Variants in DLST observed in about 807,000 individuals in gnomAD.
DLST encodes the protein dihydrolipoamide S-succinyltransferase, also known as dihydrolipoyllysine-residue succinyltransferase component of 2-oxoglutarate dehydrogenase complex, mitochondrial.
DLST carries 17 observed loss-of-function variants against 53.1 expected under a neutral mutation model. The observed-to-expected ratio is 0.32, with a 90% CI of 0.22 to 0.48. The LOEUF (loss-of-function observed/expected upper bound fraction) is 0.48, where lower values mean the gene tolerates loss of function less well. Ranked by LOEUF, DLST falls within the 20% of genes least tolerant of loss-of-function variation. The probability of loss-of-function intolerance (pLI) is 0.99; values close to 1 mark genes in which losing one functional copy is unlikely to be tolerated. For synonymous variants in DLST, 206 were observed against 204.8 expected (o/e 1.01, Z -0.05); for missense variants, 512 against 583.9 (o/e 0.88, Z 1.27).
intron 10 of DLST, among the ~76,000 whole-genome samples, chr14:74,895,185 C>T (rs146140269): frequency 7.7e-4 from 118 of 152,266 alleles, no homozygotes; most frequent in African/African-American, 2.8e-3. Context: ...GATTCAGAAT[C>T]GAGTGGATGA....
chr14:74,894,234 G>A lies in DLST; in HGVS notation c.673-78G>A, dbSNP rs1017850536. 80 of 1,558,516 alleles carry A rather than the reference G, an allele frequency of 5.1e-5. No homozygotes were observed. The South Asian group carries it at 7.2e-4, about 14-fold the overall frequency. ...CTTGGCCATCTACTCGTGGCAAGCC[G>A]TGTTCTTTCTGACTACACGGGGAAT... On this transcript the variant is annotated intron_variant, in intron 9 of 14. Coordinates refer to ENST00000334220, the MANE Select transcript of DLST (RefSeq NM_001933.5).
intron 2 of DLST, among the ~76,000 whole-genome samples, chr14:74,884,361 A>G (rs1206228955): frequency 1.3e-5 from 2 of 152,180 alleles, no homozygotes; most frequent in Admixed American, 1.3e-4. Context: ...AACCCTGAAC[A>G]ATGTCAGTAA....
intron 8 of DLST, 101 bp downstream of exon 8, chr14:74,893,087 GT>G: frequency 7.1e-7 from 1 of 1,402,614 alleles, no homozygotes; most frequent in Non-Finnish European, 9.6e-7. Flanking sequence ...AACAGGCCAG[GT>G]TGGCTGCTTT....
rs771570211 is a variant in DLST at position 74,889,910 on chromosome 14, A to G, written c.288A>G (p.Thr96=). 9 of 1,613,866 alleles carry G rather than the reference A, an allele frequency of 5.6e-6. No individual in the cohort carries two copies. In the South Asian group the frequency reaches 9.9e-5, roughly 18 times the overall value. ...DVRWEKAVGD[T]VAEDEVVCEI... ...TTGTCTTTTCAGCTGTTGGAGACAC[A>G]GTTGCAGAAGATGAAGTGGTTTGTG... Residue 96 remains threonine (T), a synonymous_variant, in exon 6 of 15, where the codon ACA becomes ACG. Coordinates refer to ENST00000334220, the MANE Select transcript of DLST (RefSeq NM_001933.5).
chr14:74,897,241 A>G (rs1355901199), intron 10 of DLST, among the ~76,000 whole-genome samples: 1 of 152,206 alleles, frequency 6.6e-6, no homozygotes, highest in African/African-American at 2.4e-5. Context: ...CCCCCTTGGA[A>G]AAACTTCCTT....
At chr14:74,883,253 C>G (rs1883592671) in intron 2 of DLST, among the ~76,000 whole-genome samples, 1 of 150,796 alleles carries the variant, frequency 6.6e-6, no homozygotes, top group South Asian at 2.1e-4. Context: ...CGAGTTCGCG[C>G]CACTGCACTC....
At chr14:74,901,357 A>G (rs1884240792) in intron 14 of DLST, 124 bp downstream of exon 14, 1 of 938,978 alleles carries the variant, frequency 1.1e-6, no homozygotes, top group Non-Finnish European at 1.6e-6. Flanking sequence ...AGTTTCTAAT[A>G]GCTAAGGCAC....
intron 6 of DLST, 23 bp from the exon 7 acceptor site, chr14:74,891,033 C>T (rs1180785709): frequency 1.2e-6 from 2 of 1,601,396 alleles, no homozygotes; most frequent in African/African-American, 2.7e-5. Context: ...TTTGGACTTC[C>T]TCCATCTGTC....
At position 74,902,506 on chromosome 14, in the gene DLST, C is replaced by A; in HGVS notation, c.*176C>A. ...CACAGGTCTTTTCTTGGCGTTCCTG[C>A]CAGGCTCTCCCTCTCTGCACCTGTC... On this transcript the variant is annotated 3_prime_UTR_variant, in exon 15 of 15. Coordinates refer to ENST00000334220, the MANE Select transcript of DLST (RefSeq NM_001933.5). 1.7e-6 allele frequency: 1 copy of A among 600,864 alleles called. No individual in the cohort carries two copies. Among genetic ancestry groups the A allele is most frequent in the Non-Finnish European group, 2.7e-6 (1 of 376,796 alleles). The allele number at this position is 600,864 out of a possible 1,614,324, so 37.2% of individuals were successfully genotyped here. A position where few individuals can be genotyped will look rare whatever the true frequency, so the allele number is the denominator to read the frequency against.
At chr14:74,886,369 T>G (rs574128485) in intron 3 of DLST, among the ~76,000 whole-genome samples, 117 of 152,326 alleles carry the variant, frequency 7.7e-4, no homozygotes, top group Non-Finnish European at 1.2e-4. Flanking sequence ...CTCTGCCACT[T>G]TGGCTGGAGT....
chr14:74,889,996 T>G (rs749553621), intron 6 of DLST, 44 bp downstream of exon 6: 1 of 1,572,270 alleles, frequency 6.4e-7, no homozygotes, highest in Admixed American at 1.7e-5. Flanking sequence ...TGGGCTTCCC[T>G]TAGTTAACCT....
Position 74,902,368 on chromosome 14 carries a change from A to T in DLST, c.*38A>T, listed in dbSNP as rs773188304. 1 of 1,564,312 alleles carries T rather than the reference A, an allele frequency of 6.4e-7. No homozygotes were observed. The highest frequency in any genetic ancestry group is 1.2e-5 in the South Asian group (1 of 85,596). ...CACCCTACAAGTTGATCATGCAGGA[A>T]CTGAAAACCAGTCTTCTCCCTGTCC... is the stretch of plus-strand genomic sequence containing the variant. On this transcript the variant is annotated 3_prime_UTR_variant, in exon 15 of 15. Transcript: ENST00000334220.
intron 10 of DLST, 40 bp from the exon 11 acceptor site, chr14:74,898,329 G>A (rs750986607): frequency 1.8e-5 from 28 of 1,597,468 alleles, no homozygotes; most frequent in Non-Finnish European, 2.2e-5. Context: ...AAGTCAAAAT[G>A]CAGGCTTTGT....
intron 2 of DLST, among the ~76,000 whole-genome samples, chr14:74,883,763 G>A (rs866030567): frequency 9.9e-5 from 15 of 152,188 alleles, no homozygotes; most frequent in East Asian, 1.9e-4. Context: ...CCACCCAGCT[G>A]TTGATAAGCC....
chr14:74,885,070 C>CT, intron 2 of DLST, among the ~76,000 whole-genome samples: 5 of 152,204 alleles, frequency 3.3e-5, no homozygotes, highest in Admixed American at 3.3e-4. Context: ...ACTGGAGACC[C>CT]CGAGCCTAAA....
At position 74,902,327 on chromosome 14, in the gene DLST, T is replaced by G. The variant is rs1566797027; in HGVS notation, c.1359T>G (p.Leu453=). 5 of 1,610,116 alleles carry G rather than the reference T, an allele frequency of 3.1e-6. No individual in the cohort carries two copies. The highest frequency in any genetic ancestry group is 4.2e-6 in the Non-Finnish European group (5 of 1,178,178). ...VEDPRVLLLD[L] ...ATCCCAGAGTCCTCCTCCTGGATCT[T>G]TAGGAGGAACCCACACACCCTACAA... Residue 453 remains leucine, a synonymous_variant, in exon 15 of 15, where the codon CTT becomes CTG. Coordinates refer to ENST00000334220, the MANE Select transcript of DLST (RefSeq NM_001933.5).
Position 74,899,938 on chromosome 14 carries a change from C to A in DLST, c.917C>A (p.Thr306Asn). The A allele has an allele frequency of 6.2e-7, 1 of 1,612,998 alleles. No individual in the cohort carries two copies. Among genetic ancestry groups the A allele is most frequent in the Non-Finnish European group, 8.5e-7 (1 of 1,179,606 alleles). The change falls in exon 12 of 15, where the codon ACC becomes AAC. Residue 306 changes from threonine to asparagine, a missense_variant. Transcript: ENST00000334220. ...PVVNAVIDDT[T>N]KEVVYRDYID... ...TCTCTCATAGTGATTGACGACACAACCAAAGAGGTGGTGTATAGGGATTAT... is the reference window on the plus strand; with the variant it reads ...TCTCTCATAGTGATTGACGACACAAACAAAGAGGTGGTGTATAGGGATTAT...
chr14:74,882,576 C>T lies in DLST; in HGVS notation c.64-15C>T. On this transcript the variant is annotated splice_polypyrimidine_tract_variant and intron_variant, in intron 1 of 14. Transcript: ENST00000334220. ...TCATCTTGGGTGACGTCGATAATGT[C>T]TTCTTTCTCAACAGGGGAACTGCCC... is the stretch of plus-strand genomic sequence containing the variant. 1.9e-6 allele frequency: 3 copies of T among 1,613,510 alleles called. No individual in the cohort carries two copies. The highest frequency in any genetic ancestry group is 1.1e-5 in the South Asian group (1 of 91,052).
intron 7 of DLST, among the ~76,000 whole-genome samples, chr14:74,892,418 T>G (rs1883940657): frequency 6.6e-6 from 1 of 152,194 alleles, no homozygotes; most frequent in Admixed American, 6.5e-5. Flanking sequence ...TTTAATAGTA[T>G]TCTTGCATAT....
Sources: allele counts gnomAD v4.1 joint callset (sites outside exome capture counted in the v4.1 genomes callset), GRCh38; gene constraint gnomAD v4.1.1; transcripts MANE v1.5; gene names NCBI Gene and HGNC (gene_info 2026-07-23, HGNC 2026-07-21).